The following NHP2 variants were observed in gnomAD, a reference collection of about 807,000 sequenced individuals.
NHP2 encodes the protein NHP2 ribonucleoprotein.
A neutral mutation model predicts 16.7 loss-of-function variants in NHP2; 10 were observed. The observed-to-expected ratio is 0.60, with a 90% CI of 0.37 to 1.01. NHP2 has a LOEUF of 1.01. Ranked by LOEUF, NHP2 falls within the 50% of genes least tolerant of loss-of-function variation. NHP2 has a pLI of 0.01. For synonymous variants in NHP2, 87 were observed against 78.9 expected (o/e 1.10, Z -0.54); for missense variants, 184 against 198.3 (o/e 0.93, Z 0.43).
At chr5:178,152,121 C>A (rs1756292792) in intron 2 of NHP2, among the ~76,000 whole-genome samples, 1 of 152,192 alleles carries the variant, frequency 6.6e-6, no homozygotes, top group Non-Finnish European at 1.5e-5. Flanking sequence ...CTACAGTAGT[C>A]TACTACCTGA....
At chr5:178,150,531 C>T in intron 3 of NHP2, 2 of 377,830 alleles carry the variant, frequency 5.3e-6, no homozygotes, top group South Asian at 4.1e-5. Flanking sequence ...AGGCATGTGC[C>T]ACCACACCCA....
At chr5:178,151,082 A>T (rs1756267351) in intron 2 of NHP2, 89 bp from the exon 3 acceptor site, 1 of 1,129,610 alleles carries the variant, frequency 8.9e-7, no homozygotes, top group Non-Finnish European at 1.3e-6. Context: ...TTAGGGATAG[A>T]GACAAAATTG....
At chr5:178,152,823 A>G (rs1756311463) in intron 2 of NHP2, among the ~76,000 whole-genome samples, 1 of 152,218 alleles carries the variant, frequency 6.6e-6, no homozygotes, top group Non-Finnish European at 1.5e-5. Flanking sequence ...GCGGTGGCTC[A>G]TGCCTGTAAT....
At chr5:178,151,660 C>T (rs1029315760) in intron 2 of NHP2, among the ~76,000 whole-genome samples, 2 of 152,266 alleles carry the variant, frequency 1.3e-5, no homozygotes, top group Admixed American at 6.5e-5. Flanking sequence ...TTCTGTTAAG[C>T]GCCTTTCACT....
chr5:178,149,556 A>AGTC lies in NHP2; in HGVS notation c.*156_*157insGAC. 1.3e-6 allele frequency: 1 copy of AGTC among 795,470 alleles called. No homozygotes were observed. Among genetic ancestry groups the AGTC allele is most frequent in the Admixed American group, 2.5e-5 (1 of 39,904 alleles). 49.3% of individuals were successfully genotyped at this position (795,470 alleles called of 1,614,324 possible). ...CACTGATGGACAGAAGACTAGCATT[A>AGTC]CCTTCATGAAAGGGCTGTTAGAGCT... On this transcript the variant is annotated 3_prime_UTR_variant, in exon 4 of 4. Transcript: ENST00000274606.
chr5:178,153,707 G>A lies in NHP2; in HGVS notation c.111C>T (p.Pro37=). Residue 37 remains proline (P), a synonymous_variant, in exon 1 of 4, where the codon CCC becomes CCT. Coordinates refer to ENST00000274606, the MANE Select transcript of NHP2 (RefSeq NM_017838.4). ...TCCGCGTGAGGCGGCGAGAAGCCAG[G>A]GGCTGCGCGATGGGGTTCTGGTTGA... ...LLVNQNPIAQ[P]LASRRLTRKL... 6.2e-7 allele frequency: 1 copy of A among 1,614,030 alleles called. No individual in the cohort carries two copies. The highest frequency in any genetic ancestry group is 8.5e-7 in the Non-Finnish European group (1 of 1,179,966).
In NHP2 at chr5:178,149,896, A is replaced by G. The variant is rs1561643667; in HGVS notation, c.337-58T>C. 7 of 1,593,496 alleles carry G rather than the reference A, an allele frequency of 4.4e-6. No individual in the cohort carries two copies. In the East Asian group the frequency reaches 1.6e-4, roughly 36 times the overall value. ...AAGCTGTACAACCTGTATGCCAGGA[A>G]GTCACCAACTGATGACCCACCAGCC... On this transcript the variant is annotated intron_variant, in intron 3 of 3. Transcript: ENST00000274606.
chr5:178,153,074 A>G, intron 2 of NHP2: 1 of 324,538 alleles, frequency 3.1e-6, no homozygotes, highest in East Asian at 8.2e-5. Context: ...GGTGAGAGCT[A>G]GACCCATCTC....
At chr5:178,151,902 A>G (rs1356454307) in intron 2 of NHP2, among the ~76,000 whole-genome samples, 1 of 151,906 alleles carries the variant, frequency 6.6e-6, no homozygotes. Context: ...TCTCTACAGC[A>G]CCTCAAAAAC....
At chr5:178,150,524 C>T (rs373766676) in intron 3 of NHP2, 14 of 373,956 alleles carry the variant, frequency 3.7e-5, no homozygotes, top group East Asian at 2.1e-4. Context: ...GGACTACAGG[C>T]ATGTGCCACC....
At chr5:178,153,153 T>G (rs1050863000) in intron 2 of NHP2, 3 of 422,658 alleles carry the variant, frequency 7.1e-6, no homozygotes, top group Non-Finnish European at 1.3e-5. Context: ...TCCCTAGGAC[T>G]GAGATTCAGG....
Position 178,153,803 on chromosome 5 carries a change from C to T in NHP2, c.15G>A (p.Lys5=). The T allele has an allele frequency of 5.0e-6, 8 of 1,610,600 alleles. No individual in the cohort carries two copies. The highest frequency in any genetic ancestry group is 6.8e-6 in the Non-Finnish European group (8 of 1,178,564). The change falls in exon 1 of 4, where the codon AAG becomes AAA. Residue 5 remains lysine (K), a synonymous_variant. Coordinates refer to ENST00000274606, the MANE Select transcript of NHP2 (RefSeq NM_017838.4). ...GAGCCTCGGGCCCGTCGGGATCTGC[C>T]TTTATTTTGGTCATCGCAGCGGCCG... is the stretch of plus-strand genomic sequence containing the variant. MTKI[K]ADPDGPEAQA...
intron 2 of NHP2, 49 bp downstream of exon 2, chr5:178,153,442 C>A (rs1172193823): frequency 1.3e-6 from 2 of 1,591,374 alleles, no homozygotes; most frequent in African/African-American, 2.7e-5. Flanking sequence ...GTAGAGATTT[C>A]TCCGTTAACG....
At chr5:178,153,629 C>T (rs777846285) in intron 1 of NHP2, 29 bp downstream of exon 1, 6 of 1,613,844 alleles carry the variant, frequency 3.7e-6, no homozygotes, top group Non-Finnish European at 4.2e-6. Context: ...CCCGCGCACC[C>T]ATCCCGGCCA....
chr5:178,152,086 T>G (rs563953796), intron 2 of NHP2, among the ~76,000 whole-genome samples: 1 of 152,260 alleles, frequency 6.6e-6, no homozygotes, highest in Non-Finnish European at 1.5e-5. Context: ...CCTTTAACTC[T>G]GTCTCCACCA....
intron 2 of NHP2, 172 bp downstream of exon 2, chr5:178,153,319 G>C (rs1756320619): frequency 1.4e-6 from 1 of 715,492 alleles, no homozygotes; most frequent in Non-Finnish European, 2.6e-6. Context: ...GGTATACGTG[G>C]TGTACCGGTA....
chr5:178,152,948 AGGCGT>A (rs1241120373), intron 2 of NHP2, among the ~76,000 whole-genome samples: 10 of 152,194 alleles, frequency 6.6e-5, no homozygotes, highest in Non-Finnish European at 1.3e-4. Flanking sequence ...AACAACAGCC[AGGCGT>A]GGCGCAAGCC....
At chr5:178,150,080 C>T (rs1409360481) in intron 3 of NHP2, 4 of 419,824 alleles carry the variant, frequency 9.5e-6, no homozygotes, top group South Asian at 7.6e-5. Flanking sequence ...TCCAGCCCAG[C>T]AGGGGCTGTC....
intron 3 of NHP2, chr5:178,150,622 A>G (rs1223141746): frequency 1.6e-6 from 1 of 628,632 alleles, no homozygotes; most frequent in Admixed American, 2.1e-5. Flanking sequence ...TCCTCAACTG[A>G]TCCTCCTGTC....
Sources: allele counts gnomAD v4.1 joint callset (sites outside exome capture counted in the v4.1 genomes callset), GRCh38; gene constraint gnomAD v4.1.1; transcripts MANE v1.5; gene names NCBI Gene and HGNC (gene_info 2026-07-23, HGNC 2026-07-21).